The following UBASH3B variants were observed in gnomAD, a reference collection of about 807,000 sequenced individuals.
UBASH3B encodes the protein ubiquitin-associated and SH3 domain-containing protein B.
Under a neutral mutation model 83.4 loss-of-function variants are expected in UBASH3B, and 37 were observed. The ratio of observed to expected loss-of-function variants is 0.44; its 90% confidence interval spans 0.34 to 0.58. The LOEUF is 0.58. Ranked by LOEUF, UBASH3B falls within the 20% of genes least tolerant of loss-of-function variation. The probability of loss-of-function intolerance (pLI) is 0.01; values close to 1 mark genes in which losing one functional copy is unlikely to be tolerated. For missense variants in UBASH3B, 657 were observed against 827.2 expected, an observed-to-expected ratio of 0.79 and a Z score of 2.52; for synonymous variants, 304 against 318.3, an observed-to-expected ratio of 0.96 and a Z score of 0.48.
At chr11:122,695,241 G>T (rs1290542344) in intron 1 of UBASH3B, among the ~76,000 whole-genome samples, 3 of 152,128 alleles carry the variant, frequency 2.0e-5, no homozygotes, top group African/African-American at 7.2e-5. Flanking sequence ...TGGGATTGCA[G>T]GCGTGAGCCA....
At chr11:122,692,733 C>G (rs530750192) in intron 1 of UBASH3B, among the ~76,000 whole-genome samples, 66 of 152,322 alleles carry the variant, frequency 4.3e-4, no homozygotes, top group African/African-American at 9.9e-4. Flanking sequence ...TGCTTTCATT[C>G]CACACATATC....
At chr11:122,683,996 T>C (rs2135912107) in intron 1 of UBASH3B, among the ~76,000 whole-genome samples, 1 of 152,294 alleles carries the variant, frequency 6.6e-6, no homozygotes, top group East Asian at 1.9e-4. Context: ...GATAGTTAAG[T>C]CAAGAGGAAA....
At chr11:122,743,482 C>T (rs754732174) in intron 1 of UBASH3B, among the ~76,000 whole-genome samples, 3 of 152,144 alleles carry the variant, frequency 2.0e-5, no homozygotes, top group Non-Finnish European at 4.4e-5. Context: ...TCCAGAGTTT[C>T]GGGATTACAG....
Position 122,731,992 on chromosome 11 carries a change from C to T in UBASH3B, c.162-44227C>T, listed in dbSNP as rs201243032. Among the ~76,000 whole-genome samples, 76 of 133,716 alleles carry T rather than the reference C, an allele frequency of 5.7e-4. No individual in the cohort carries two copies. In the East Asian group the frequency reaches 7.3e-3, roughly 13 times the overall value. The allele number at this position is 133,716 out of a possible 152,430, so 87.7% of individuals were successfully genotyped here. A position where few individuals can be genotyped will look rare whatever the true frequency, so the allele number is the denominator to read the frequency against. ...CCTGGAGCCTATGTGTCTCCCACCC[C>T]GACGACACACACACACACACACCAT... On this transcript the variant is annotated intron_variant, in intron 1 of 13. Coordinates refer to ENST00000284273, the MANE Select transcript of UBASH3B (RefSeq NM_032873.5).
chr11:122,681,870 C>T (rs1452703206), intron 1 of UBASH3B, among the ~76,000 whole-genome samples: 1 of 152,162 alleles, frequency 6.6e-6, no homozygotes, highest in African/African-American at 2.4e-5. Flanking sequence ...CATCTGTTGC[C>T]ATCACACAAC....
Position 122,723,400 on chromosome 11 carries a change from CTGATTTCATTTCCACG to C in UBASH3B, c.162-52814_162-52799del, listed in dbSNP as rs571214999. The stretch of plus-strand genomic sequence containing the variant: ...CAGCCTAAAGCCTTTGTCTCCAAAC[CTGATTTCATTTCCACG>C]TGATCTCCCTTGGAGACGCATTCTC... On this transcript the variant is annotated intron_variant, in intron 1 of 13. Transcript: ENST00000284273. Among the ~76,000 whole-genome samples the C allele has an allele frequency of 5.4e-4, 82 of 152,312 alleles. No individual in the cohort carries two copies. The East Asian group carries it at 7.7e-3, about 14-fold the overall frequency.
intron 1 of UBASH3B, among the ~76,000 whole-genome samples, chr11:122,701,190 T>C (rs1565534212): frequency 6.6e-6 from 1 of 152,210 alleles, no homozygotes; most frequent in Non-Finnish European, 1.5e-5. Flanking sequence ...ATAACTCTAG[T>C]CATTTCTTGT....
intron 1 of UBASH3B, among the ~76,000 whole-genome samples, chr11:122,722,900 T>C (rs1030216825): frequency 6.6e-6 from 1 of 151,608 alleles, no homozygotes; most frequent in Non-Finnish European, 1.5e-5. Context: ...AGAGGCGGGG[T>C]TTCACCATGT....
At chr11:122,659,147 A>G (rs1485903399) in intron 1 of UBASH3B, among the ~76,000 whole-genome samples, 2 of 152,192 alleles carry the variant, frequency 1.3e-5, no homozygotes, top group Non-Finnish European at 2.9e-5. Context: ...CCACTTGGAT[A>G]ATCCAGAGTA....
At chr11:122,775,357 T>G (rs1591808075) in intron 1 of UBASH3B, among the ~76,000 whole-genome samples, 5 of 152,368 alleles carry the variant, frequency 3.3e-5, no homozygotes, top group Admixed American at 3.3e-4. Context: ...CAGTTAGTCA[T>G]GCTTTGAGTT....
chr11:122,668,075 T>C (rs1863544125), intron 1 of UBASH3B, among the ~76,000 whole-genome samples: 1 of 152,178 alleles, frequency 6.6e-6, no homozygotes, highest in African/African-American at 2.4e-5. Context: ...AACCTCTGCC[T>C]CCCAGGTTCA....
chr11:122,714,017 C>G (rs1425596962), intron 1 of UBASH3B, among the ~76,000 whole-genome samples: 1 of 152,182 alleles, frequency 6.6e-6, no homozygotes. Flanking sequence ...AGGCAGGAGT[C>G]AAGGACACTG....
chr11:122,722,709 T>TC, intron 1 of UBASH3B, among the ~76,000 whole-genome samples: 1 of 121,258 alleles, frequency 8.2e-6, no homozygotes, highest in Non-Finnish European at 2.1e-5. Context: ...ATCTGGTATT[T>TC]CTTTTTTTTT....
chr11:122,717,362 G>A (rs759198877), intron 1 of UBASH3B, among the ~76,000 whole-genome samples: 2 of 152,168 alleles, frequency 1.3e-5, no homozygotes, highest in Non-Finnish European at 2.9e-5. Flanking sequence ...CCCACAGTCC[G>A]AGGAGATAAT....
intron 1 of UBASH3B, among the ~76,000 whole-genome samples, chr11:122,694,950 CTTTCTTT>C (rs1863944746): frequency 1.3e-5 from 1 of 77,126 alleles, no homozygotes; most frequent in African/African-American, 4.5e-5. Context: ...CTTTTCTTTT[CTTTCTTT>C]TTTTTTTTTT....
intron 1 of UBASH3B, among the ~76,000 whole-genome samples, chr11:122,720,816 T>G (rs1452203812): frequency 1.3e-5 from 2 of 152,168 alleles, no homozygotes; most frequent in Non-Finnish European, 2.9e-5. Flanking sequence ...CTGCCTTATT[T>G]TTTCCAAAAC....
chr11:122,671,216 G>C (rs1207528775), intron 1 of UBASH3B, among the ~76,000 whole-genome samples: 1 of 152,206 alleles, frequency 6.6e-6, no homozygotes. Context: ...CAAGTTCAGA[G>C]CTGCTGCCTT....
intron 1 of UBASH3B, among the ~76,000 whole-genome samples, chr11:122,744,548 A>G (rs1861080410): frequency 2.0e-5 from 3 of 151,808 alleles, no homozygotes; most frequent in Admixed American, 2.0e-4. Flanking sequence ...TCATGTGATC[A>G]TGTCTAAGAG....
rs1861485356 is a variant in UBASH3B, at chr11:122,813,521, C to T, written c.*3635C>T. The T allele has an allele frequency of 6.6e-6, 1 of 152,188 alleles. No homozygotes were observed. The highest frequency in any genetic ancestry group is 2.1e-4 in the South Asian group (1 of 4,832). The allele number at this position is 152,188 out of a possible 1,614,324, so 9.4% of individuals were successfully genotyped here. ...AACCTCCGTTTGATTTCACAGCCTTCAGCACAGGCAACTGTTACTGAGTCT... is the reference window on the plus strand; with the variant it reads ...AACCTCCGTTTGATTTCACAGCCTTTAGCACAGGCAACTGTTACTGAGTCT... On this transcript the variant is annotated 3_prime_UTR_variant, in exon 14 of 14. Coordinates refer to ENST00000284273, the MANE Select transcript of UBASH3B (RefSeq NM_032873.5).
Sources: gnomAD v4.1 joint callset for allele counts (sites outside exome capture counted in the v4.1 genomes callset) on GRCh38, gnomAD v4.1.1 for gene constraint, MANE v1.5 for transcripts, NCBI Gene and HGNC (gene_info 2026-07-23, HGNC 2026-07-21) for gene names.